The following ARHGAP39 variants were observed in gnomAD, a reference collection of about 807,000 sequenced individuals.
The protein encoded by ARHGAP39 is Rho GTPase activating protein 39, also known as rho GTPase-activating protein 39.
Under a neutral mutation model 106.9 loss-of-function variants are expected in ARHGAP39, and 44 were observed. That is an observed-to-expected ratio of 0.41 (90% confidence interval 0.32 to 0.53). ARHGAP39 has a LOEUF of 0.53. ARHGAP39 is among the 20% of genes least tolerant of loss of function. The pLI is 0.21. For missense variants in ARHGAP39, 1,496 were observed against 1,577.3 expected, an observed-to-expected ratio of 0.95 and a Z score of 0.87; for synonymous variants, 768 against 693.2, an observed-to-expected ratio of 1.11 and a Z score of -1.69.
At chr8:144,643,249 C>T (rs962298846) in intron 1 of ARHGAP39, among the ~76,000 whole-genome samples, 1 of 152,030 alleles carries the variant, frequency 6.6e-6, no homozygotes, top group African/African-American at 2.4e-5. Context: ...ACTGCTTGAA[C>T]TCAGGTGCTT....
chr8:144,592,876 C>T (rs1275216016), intron 2 of ARHGAP39, among the ~76,000 whole-genome samples: 2 of 152,186 alleles, frequency 1.3e-5, no homozygotes, highest in Admixed American at 1.3e-4. Flanking sequence ...GCTGGCTCTG[C>T]ACAGGGCGAG....
At chr8:144,642,491 G>A (rs1233775469) in intron 1 of ARHGAP39, among the ~76,000 whole-genome samples, 1 of 149,802 alleles carries the variant, frequency 6.7e-6, no homozygotes, top group Admixed American at 6.7e-5. Flanking sequence ...CGTCTTAGGG[G>A]AAAAAAAATA....
At chr8:144,559,035 T>G (rs1251003935) in intron 3 of ARHGAP39, among the ~76,000 whole-genome samples, 1 of 151,974 alleles carries the variant, frequency 6.6e-6, no homozygotes, top group East Asian at 1.9e-4. Flanking sequence ...GGTGAAACCC[T>G]GTCTCTATTA....
At chr8:144,610,014 G>A (rs1820434527) in intron 1 of ARHGAP39, among the ~76,000 whole-genome samples, 1 of 152,182 alleles carries the variant, frequency 6.6e-6, no homozygotes, top group African/African-American at 2.4e-5. Flanking sequence ...ATACAGAGCT[G>A]AGCAGGCTCT....
intron 2 of ARHGAP39, among the ~76,000 whole-genome samples, chr8:144,600,170 CGT>C (rs1819797285): frequency 6.7e-6 from 1 of 150,190 alleles, no homozygotes. Flanking sequence ...TGCGTGGAGG[CGT>C]GTGTGCGCAC....
At position 144,534,352 on chromosome 8, in the gene ARHGAP39, A is replaced by T. The variant is rs573050474; in HGVS notation, c.2615-150T>A. 4.6e-5 allele frequency: 35 copies of T among 762,300 alleles called. No homozygotes were observed. The East Asian group carries it at 8.6e-4, about 19-fold the overall frequency. 47.2% of individuals were successfully genotyped at this position (762,300 alleles called of 1,614,324 possible). A position where few individuals can be genotyped will look rare whatever the true frequency, so the allele number is the denominator to read the frequency against. On this transcript the variant is annotated intron_variant, in intron 7 of 11. Transcript: ENST00000377307. ...CCTGCCCAGCACAGCGGGTCCTCAC[A>T]CTCTCCCAGGCAGTGTCCTTTAGAG... is the stretch of plus-strand genomic sequence containing the variant.
At chr8:144,678,427 A>G (rs1048813763) in intron 1 of ARHGAP39, among the ~76,000 whole-genome samples, 12 of 152,144 alleles carry the variant, frequency 7.9e-5, no homozygotes, top group African/African-American at 2.7e-4. Flanking sequence ...GCGATCCAGG[A>G]GGCGCTCCCA....
chr8:144,587,019 T>A (rs970435710), intron 2 of ARHGAP39, among the ~76,000 whole-genome samples: 4 of 152,170 alleles, frequency 2.6e-5, no homozygotes, highest in African/African-American at 9.7e-5. Context: ...TGAGTTCTCA[T>A]GAGATCTGAT....
At chr8:144,550,550 T>C (rs1351876220) in intron 4 of ARHGAP39, among the ~76,000 whole-genome samples, 7 of 151,834 alleles carry the variant, frequency 4.6e-5, no homozygotes, top group Non-Finnish European at 1.0e-4. Flanking sequence ...GCCTGGGGGG[T>C]TGGTGAGGCA....
At chr8:144,602,154 TGTGTGTGC>T (rs1820015769) in intron 2 of ARHGAP39, among the ~76,000 whole-genome samples, 1 of 136,028 alleles carries the variant, frequency 7.4e-6, no homozygotes, top group Non-Finnish European at 1.5e-5. Context: ...TGTACCTGTG[TGTGTGTGC>T]GTGGAGGCGT....
intron 3 of ARHGAP39, among the ~76,000 whole-genome samples, chr8:144,567,857 C>T (rs1297727531): frequency 6.6e-6 from 1 of 152,310 alleles, no homozygotes; most frequent in East Asian, 1.9e-4. Flanking sequence ...GCTCACTCTC[C>T]TTATCCTGCC....
At chr8:144,531,208 G>A (rs1377532128) in intron 10 of ARHGAP39, among the ~76,000 whole-genome samples, 2 of 146,014 alleles carry the variant, frequency 1.4e-5, no homozygotes, top group African/African-American at 5.2e-5. Context: ...CAGGTGGGGA[G>A]TGGGCTAGAC....
At chr8:144,640,750 T>G (rs984467952) in intron 1 of ARHGAP39, among the ~76,000 whole-genome samples, 1 of 152,218 alleles carries the variant, frequency 6.6e-6, no homozygotes, top group Non-Finnish European at 1.5e-5. Context: ...CCATAAAACA[T>G]TGTTGAAAAC....
intron 1 of ARHGAP39, among the ~76,000 whole-genome samples, chr8:144,623,183 G>A (rs1230704505): frequency 6.6e-6 from 1 of 152,158 alleles, no homozygotes; most frequent in East Asian, 1.9e-4. Context: ...TAGAACATCC[G>A]AGGCAACCAC....
rs926840237 is a variant in ARHGAP39, at chr8:144,670,380, C to T, written c.-82+15306G>A. 1.3e-5 allele frequency among the ~76,000 whole-genome samples: 2 copies of T among 152,208 alleles called. No homozygotes were observed. Among genetic ancestry groups the T allele is most frequent in the African/African-American group, 2.4e-5 (1 of 41,446 alleles). ...TCCATCACCCTCCTCACCGGGCCAT[C>T]GAGCCTCTGAATCCCACACCTCTGC... is the stretch of plus-strand genomic sequence containing the variant. On this transcript the variant is annotated intron_variant, in intron 1 of 11. Transcript: ENST00000377307. The surrounding 1 kb of genome is among the most constrained non-coding windows in gnomAD (Gnocchi z 4.4).
At chr8:144,535,559 G>C (rs1034256085) in intron 7 of ARHGAP39, among the ~76,000 whole-genome samples, 1 of 152,222 alleles carries the variant, frequency 6.6e-6, no homozygotes, top group African/African-American at 2.4e-5. Context: ...GCAGGAAGGC[G>C]GCAGAAACCC....
chr8:144,558,573 G>A (rs945448192), intron 3 of ARHGAP39, among the ~76,000 whole-genome samples: 6 of 111,046 alleles, frequency 5.4e-5, no homozygotes, highest in Admixed American at 1.0e-4. Flanking sequence ...CATTACAGGC[G>A]TGAGTCACCG....
intron 2 of ARHGAP39, among the ~76,000 whole-genome samples, chr8:144,587,045 C>T (rs1412205381): frequency 2.0e-5 from 3 of 152,176 alleles, no homozygotes; most frequent in Non-Finnish European, 4.4e-5. Context: ...TACAAGGGGC[C>T]TCCCCTTCCC....
At position 144,548,493 on chromosome 8, in the gene ARHGAP39, C is replaced by T. The variant is rs377260877; in HGVS notation, c.597-4G>A. ...GTTCCACCGCAGCGAGGAGGTCCTG[C>T]GTGGGGGGTGGACGGGCACAGGTGA... On this transcript the variant is annotated splice_region_variant and splice_polypyrimidine_tract_variant and intron_variant, in intron 4 of 11. Transcript: ENST00000377307. The surrounding 1 kb of genome is among the most constrained non-coding windows in gnomAD (Gnocchi z 7.4). 7.3e-5 allele frequency: 118 copies of T among 1,606,322 alleles called. No homozygotes were observed. The highest frequency in any genetic ancestry group is 9.2e-5 in the Non-Finnish European group (108 of 1,178,124).
Sources: allele counts gnomAD v4.1 joint callset (sites outside exome capture counted in the v4.1 genomes callset), GRCh38; gene constraint gnomAD v4.1.1; non-coding constraint Gnocchi (gnomAD v3.1); transcripts MANE v1.5; gene names NCBI Gene and HGNC (gene_info 2026-07-23, HGNC 2026-07-21).